The following RCAN3 variants were observed in gnomAD, a reference collection of about 807,000 sequenced individuals.
RCAN3 encodes the protein regulator of calcineurin 3.
RCAN3 carries 19 observed loss-of-function variants against 21.9 expected under a neutral mutation model. The ratio of observed to expected loss-of-function variants is 0.87; its 90% CI spans 0.61 to 1.27. RCAN3 has a LOEUF of 1.27. Among genes scored for constraint, RCAN3 ranks in the 50% most tolerant of loss-of-function variants. The probability of loss-of-function intolerance (pLI) is 0.00; values close to 1 mark genes in which losing one functional copy is unlikely to be tolerated. For synonymous variants in RCAN3, 114 were observed against 112.3 expected, an observed-to-expected ratio of 1.01 and a Z score of -0.09; for missense variants, 240 against 300.1, an observed-to-expected ratio of 0.80 and a Z score of 1.48.
intron 2 of RCAN3, among the ~76,000 whole-genome samples, chr1:24,519,763 C>A (rs192401646): frequency 5.2e-4 from 79 of 152,270 alleles, no homozygotes; most frequent in Admixed American, 2.5e-3. Flanking sequence ...TGAATGGATT[C>A]TGTAAGATGG....
chr1:24,539,840 T>A lies in RCAN3; in HGVS notation c.*4563T>A, dbSNP rs1650412632. ...GTGAACTTGGTCCATCTTTCCTTCT[T>A]CCTTTTTTTGCACATTTGCATTTAT... is the stretch of plus-strand genomic sequence containing the variant. On this transcript the variant is annotated 3_prime_UTR_variant, in exon 5 of 5. Transcript: ENST00000374395. The A allele has an allele frequency of 6.6e-6, 1 of 152,208 alleles. No homozygotes were observed. The allele number at this position is 152,208 out of a possible 1,614,324, so 9.4% of individuals were successfully genotyped here.
chr1:24,523,345 T>C (rs569166343), intron 2 of RCAN3, among the ~76,000 whole-genome samples: 15 of 151,628 alleles, frequency 9.9e-5, no homozygotes, highest in Non-Finnish European at 2.2e-4. Flanking sequence ...GATTTTAAAT[T>C]ATCTGTATTT....
intron 4 of RCAN3, among the ~76,000 whole-genome samples, chr1:24,534,559 G>C (rs147573223): frequency 0.068 from 9,944 of 147,262 alleles, 1,031 homozygotes; most frequent in African/African-American, 0.22. Context: ...GTGAGCCGAG[G>C]TCGCACCACT....
intron 2 of RCAN3, among the ~76,000 whole-genome samples, chr1:24,529,476 A>T (rs1043985814): frequency 9.3e-5 from 14 of 150,290 alleles, no homozygotes; most frequent in African/African-American, 2.9e-4. Context: ...GCTTGAGCCC[A>T]GGAGTTTGAG....
chr1:24,510,019 A>C (rs939921394), intron 1 of RCAN3, among the ~76,000 whole-genome samples: 1 of 152,178 alleles, frequency 6.6e-6, no homozygotes, highest in African/African-American at 2.4e-5. Context: ...AACGAGAACA[A>C]TGTTTTGAAA....
At chr1:24,521,714 G>A (rs1648827700) in intron 2 of RCAN3, among the ~76,000 whole-genome samples, 1 of 152,062 alleles carries the variant, frequency 6.6e-6, no homozygotes, top group African/African-American at 2.4e-5. Context: ...TGGGCATGGT[G>A]GTATACGCCT....
intron 4 of RCAN3, 131 bp from the exon 5 acceptor site, chr1:24,534,962 T>C: frequency 3.7e-6 from 3 of 811,752 alleles, no homozygotes; most frequent in South Asian, 1.9e-5. Context: ...TACTCTAACA[T>C]AGTATTTAAA....
rs1203520772 is a variant in RCAN3 at position 24,537,438 on chromosome 1, ATT to A, written c.*2162_*2163del. 6.6e-6 allele frequency: 1 copy of A among 152,154 alleles called. No individual in the cohort carries two copies. Among genetic ancestry groups the A allele is most frequent in the Non-Finnish European group, 1.5e-5 (1 of 68,026 alleles). 9.4% of individuals were successfully genotyped at this position (152,154 alleles called of 1,614,324 possible). ...ACTAAGTACCCATCAACTTTTTCAT[ATT>A]GTGAAATGAACCAGGATCTTAACAG... On this transcript the variant is annotated 3_prime_UTR_variant, in exon 5 of 5. Transcript: ENST00000374395.
At chr1:24,511,281 C>A (rs1005572769) in intron 1 of RCAN3, among the ~76,000 whole-genome samples, 1 of 152,122 alleles carries the variant, frequency 6.6e-6, no homozygotes, top group East Asian at 1.9e-4. Flanking sequence ...CCACTGCACT[C>A]CAGCCTGGGC....
intron 1 of RCAN3, among the ~76,000 whole-genome samples, chr1:24,512,697 T>C (rs79255105): frequency 0.025 from 3,858 of 152,212 alleles, 70 homozygotes; most frequent in African/African-American, 0.046. Context: ...ACAAATCAGG[T>C]GGTATTGAGG....
intron 4 of RCAN3, among the ~76,000 whole-genome samples, chr1:24,533,493 A>G (rs188663508): frequency 6.6e-6 from 1 of 152,282 alleles, no homozygotes; most frequent in Non-Finnish European, 1.5e-5. Context: ...TGCACCATTC[A>G]GTGTGGTTAT....
At position 24,532,764 on chromosome 1, in the gene RCAN3, C is replaced by T. The variant is rs185450768; in HGVS notation, c.370-319C>T. 4.4e-3 allele frequency among the ~76,000 whole-genome samples: 670 copies of T among 150,626 alleles called. 4 individuals carry two copies. The highest frequency in any genetic ancestry group is 0.015 in the African/African-American group (625 of 41,318). On this transcript the variant is annotated intron_variant, in intron 3 of 4. Coordinates refer to ENST00000374395, the MANE Select transcript of RCAN3 (RefSeq NM_013441.4). Reference sequence around the variant, plus strand: ...GAGATCGAGACCATCCTGGCTAACACAGTGCAACCCCGTCTCTACTAAAAA... The same window carrying T: ...GAGATCGAGACCATCCTGGCTAACATAGTGCAACCCCGTCTCTACTAAAAA...
chr1:24,533,737 A>T (rs9424329), intron 4 of RCAN3, among the ~76,000 whole-genome samples: 2,782 of 152,262 alleles, frequency 0.018, 86 homozygotes, highest in African/African-American at 0.063. Context: ...GAGGCAGAGG[A>T]TGCAGTGAGC....
chr1:24,514,080 T>C (rs1354550276), intron 1 of RCAN3, among the ~76,000 whole-genome samples: 1 of 152,246 alleles, frequency 6.6e-6, no homozygotes, highest in Non-Finnish European at 1.5e-5. Context: ...CGTTTTGCCT[T>C]TTTTTCTTAA....
chr1:24,509,267 TG>T (rs2148892364), intron 1 of RCAN3, among the ~76,000 whole-genome samples: 1 of 152,336 alleles, frequency 6.6e-6, no homozygotes, highest in Admixed American at 6.5e-5. Flanking sequence ...TGCTGTAGTT[TG>T]GGGTGACTGT....
intron 2 of RCAN3, among the ~76,000 whole-genome samples, chr1:24,519,917 T>C (rs529850941): frequency 6.6e-6 from 1 of 152,368 alleles, no homozygotes; most frequent in East Asian, 1.9e-4. Context: ...TATAATCATA[T>C]GCACAATTTA....
At position 24,515,234 on chromosome 1, in the gene RCAN3, G is replaced by T. The variant is rs139324390; in HGVS notation, c.195+667G>T. The stretch of plus-strand genomic sequence containing the variant: ...TTTAGCCGGGCTTCCTATTACTTGG[G>T]AGTGCATTCACAAAAGAAGGAATTC... On this transcript the variant is annotated intron_variant, in intron 2 of 4. Coordinates refer to ENST00000374395, the MANE Select transcript of RCAN3 (RefSeq NM_013441.4). 9.2e-3 allele frequency among the ~76,000 whole-genome samples: 1,397 copies of T among 152,214 alleles called. 33 individuals are homozygous for T. Among genetic ancestry groups the T allele is most frequent in the African/African-American group, 0.032 (1,315 of 41,530 alleles).
At chr1:24,507,304 C>T (rs1404613569) in intron 1 of RCAN3, among the ~76,000 whole-genome samples, 5 of 152,204 alleles carry the variant, frequency 3.3e-5, no homozygotes, top group African/African-American at 1.2e-4. Context: ...GGAATGCTCC[C>T]CATTCTTTTC....
intron 3 of RCAN3, among the ~76,000 whole-genome samples, chr1:24,532,034 TA>T (rs892688635): frequency 2.0e-4 from 29 of 147,320 alleles, no homozygotes; most frequent in Admixed American, 1.0e-3. Context: ...CCTTACAAAT[TA>T]AAAAAAAAAG....
Sources: allele counts gnomAD v4.1 joint callset (sites outside exome capture counted in the v4.1 genomes callset), GRCh38; gene constraint gnomAD v4.1.1; transcripts MANE v1.5; gene names NCBI Gene and HGNC (gene_info 2026-07-23, HGNC 2026-07-21).